Variants in ATP10A observed in about 807,000 individuals in gnomAD.
The protein encoded by ATP10A is phospholipid-transporting ATPase VA.
In ATP10A, 111 loss-of-function variants were observed where a neutral mutation model predicts 147.8. That is an observed-to-expected ratio of 0.75 (90% CI 0.64 to 0.88). The LOEUF (loss-of-function observed/expected upper bound fraction) is 0.88, where lower values mean the gene tolerates loss of function less well. Ranked by LOEUF, ATP10A falls within the 40% of genes least tolerant of loss-of-function variation. The probability of loss-of-function intolerance (pLI) is 0.00; values close to 1 mark genes in which losing one functional copy is unlikely to be tolerated. For missense variants in ATP10A, 1,927 were observed against 1,959.0 expected (o/e 0.98, Z 0.31); for synonymous variants, 875 against 841.6 (o/e 1.04, Z -0.69).
At chr15:25,803,966 T>C (rs1477507841) in intron 1 of ATP10A, among the ~76,000 whole-genome samples, 1 of 152,084 alleles carries the variant, frequency 6.6e-6, no homozygotes, top group East Asian at 1.9e-4. Context: ...TAATTGTGCT[T>C]AGTGTGTGAT....
chr15:25,759,309 A>G (rs1888626157), intron 2 of ATP10A, among the ~76,000 whole-genome samples: 1 of 152,240 alleles, frequency 6.6e-6, no homozygotes, highest in South Asian at 2.1e-4. Context: ...GGCATAGGAC[A>G]AAATGGAAGG....
chr15:25,861,236 CTGAG>C (rs1288412223), intron 1 of ATP10A, among the ~76,000 whole-genome samples: 1 of 152,218 alleles, frequency 6.6e-6, no homozygotes, highest in African/African-American at 2.4e-5. Flanking sequence ...CCCAGGCCTG[CTGAG>C]TGAGACACTT....
chr15:25,863,366 C>G (rs1185502773), upstream of ATP10A, among the ~76,000 whole-genome samples: 2 of 151,910 alleles, frequency 1.3e-5, no homozygotes, highest in African/African-American at 2.4e-5. Flanking sequence ...CCTCGCCGCC[C>G]GCCCCCGGCC....
rs34212354 is a variant in ATP10A, at chr15:25,847,609, C to CTTTTTTTTTTTT, written c.449+15027_449+15038dup. ...CCTAGCTAATTCAAACAGCTACAGC[C>CTTTTTTTTTTTT]TTTTTTTTTTTTTTTTTTTTTTTTT... On this transcript the variant is annotated intron_variant, in intron 1 of 20. Coordinates refer to ENST00000555815, the MANE Select transcript of ATP10A (RefSeq NM_024490.4). Among the ~76,000 whole-genome samples, 8 of 40,738 alleles carry CTTTTTTTTTTTT rather than the reference C, an allele frequency of 2.0e-4. 4 individuals are homozygous for CTTTTTTTTTTTT. Among genetic ancestry groups the CTTTTTTTTTTTT allele is most frequent in the Non-Finnish European group, 4.0e-4 (8 of 19,914 alleles). The allele number at this position is 40,738 out of a possible 152,430, so 26.7% of individuals were successfully genotyped here. A position where few individuals can be genotyped will look rare whatever the true frequency, so the allele number is the denominator to read the frequency against.
chr15:25,729,895 G>A (rs1902851839), intron 3 of ATP10A, among the ~76,000 whole-genome samples: 1 of 152,148 alleles, frequency 6.6e-6, no homozygotes, highest in Non-Finnish European at 1.5e-5. Context: ...CTACCTCAGA[G>A]CCTGGCAAAC....
chr15:25,695,839 C>T (rs1369791516), intron 13 of ATP10A, among the ~76,000 whole-genome samples: 1 of 151,792 alleles, frequency 6.6e-6, no homozygotes, highest in Admixed American at 6.6e-5. Context: ...AACTGCAGGA[C>T]ACAAAGCTCT....
intron 2 of ATP10A, among the ~76,000 whole-genome samples, chr15:25,759,318 G>C (rs1888626604): frequency 6.6e-6 from 1 of 152,134 alleles, no homozygotes; most frequent in Non-Finnish European, 1.5e-5. Context: ...CAAAATGGAA[G>C]GTTTAAGCAA....
chr15:25,812,675 G>C (rs542428109), intron 1 of ATP10A, among the ~76,000 whole-genome samples: 17 of 152,144 alleles, frequency 1.1e-4, no homozygotes, highest in Non-Finnish European at 2.2e-4. Flanking sequence ...GGCTGTCTCT[G>C]TTTTTCTCTG....
chr15:25,812,625 TTTAAA>T (rs897863058), intron 1 of ATP10A, among the ~76,000 whole-genome samples: 16 of 152,214 alleles, frequency 1.1e-4, no homozygotes, highest in African/African-American at 3.9e-4. Context: ...TTTGTTCTAC[TTTAAA>T]TTAAAACAAG....
intron 12 of ATP10A, 115 bp from the exon 13 acceptor site, chr15:25,702,215 G>T: frequency 9.0e-7 from 1 of 1,108,436 alleles, no homozygotes; most frequent in Admixed American, 2.7e-5. Flanking sequence ...TACAGCCCCT[G>T]TTGCCTGGGC....
Position 25,718,315 on chromosome 15 carries a change from C to T in ATP10A, c.1448G>A (p.Ser483Asn). The change falls in exon 8 of 21, where the codon AGC becomes AAC. Residue 483 changes from serine (S) to asparagine (N), a missense_variant. Transcript: ENST00000555815. ...PRGGSVSQRG[S>N]IGSHQSVRVV... The stretch of plus-strand genomic sequence containing the variant: ...CCGGACACTCTGGTGGCTGCCGATG[C>T]TGCCGCGCTGGGACACCGAGCCCCC... 6.2e-7 allele frequency: 1 copy of T among 1,611,394 alleles called. No individual in the cohort carries two copies. The highest frequency in any genetic ancestry group is 8.5e-7 in the Non-Finnish European group (1 of 1,179,788).
intron 2 of ATP10A, among the ~76,000 whole-genome samples, chr15:25,765,014 G>A (rs1467750784): frequency 6.6e-6 from 1 of 152,184 alleles, no homozygotes; most frequent in Non-Finnish European, 1.5e-5. Context: ...TAGTGAGGAT[G>A]CAGGACACAC....
intron 9 of ATP10A, among the ~76,000 whole-genome samples, chr15:25,715,966 G>C (rs1410640997): frequency 2.0e-5 from 3 of 152,164 alleles, no homozygotes; most frequent in African/African-American, 7.2e-5. Flanking sequence ...AGGGCTTTCT[G>C]GGGTGCACTG....
Position 25,723,928 on chromosome 15 carries a change from G to A in ATP10A, c.1073C>T (p.Ala358Val). The A allele has an allele frequency of 6.2e-7, 1 of 1,609,256 alleles. No homozygotes were observed. Among genetic ancestry groups the A allele is most frequent in the Non-Finnish European group, 8.5e-7 (1 of 1,178,482 alleles). Residue 358 changes from alanine to valine, a missense_variant, in exon 6 of 21, where the codon GCA becomes GTA. Coordinates refer to ENST00000555815, the MANE Select transcript of ATP10A (RefSeq NM_024490.4). ...TATCATTGTTAAAAATGAGTAAACT[G>A]CAGCTGTGACTGGGGATAAGGAGCT... ...DGSSLSPVTA[A>V]VYSFLTMIIV... is the part of the protein sequence containing the mutation.
At chr15:25,778,655 A>G (rs540149444) in intron 2 of ATP10A, among the ~76,000 whole-genome samples, 10 of 152,248 alleles carry the variant, frequency 6.6e-5, no homozygotes, top group African/African-American at 2.4e-4. Flanking sequence ...GCTCAAAGCT[A>G]CTTCCTCAGC....
chr15:25,685,853 G>A (rs1237613086), intron 16 of ATP10A, among the ~76,000 whole-genome samples: 3 of 151,292 alleles, frequency 2.0e-5, no homozygotes, highest in Non-Finnish European at 4.4e-5. Flanking sequence ...ATCCAAAGCA[G>A]GAATTAACTT....
chr15:25,708,739 G>C (rs1364270959), intron 10 of ATP10A: 1 of 162,958 alleles, frequency 6.1e-6, no homozygotes, highest in Non-Finnish European at 1.3e-5. Flanking sequence ...CGTTCTTCCT[G>C]TTAATGAAAA....
intron 4 of ATP10A, 36 bp downstream of exon 4, chr15:25,727,124 G>C: frequency 3.4e-6 from 5 of 1,470,954 alleles, no homozygotes; most frequent in Non-Finnish European, 3.8e-6. Context: ...ACACAGCGCT[G>C]TCTGGCGGCA....
At chr15:25,722,827 C>T (rs1343338666) in intron 6 of ATP10A, among the ~76,000 whole-genome samples, 7 of 152,116 alleles carry the variant, frequency 4.6e-5, no homozygotes, top group African/African-American at 1.4e-4. Context: ...ACTGCCCCCT[C>T]GTCCTCTGGA....
Sources: allele counts gnomAD v4.1 joint callset (sites outside exome capture counted in the v4.1 genomes callset), GRCh38; gene constraint gnomAD v4.1.1; transcripts MANE v1.5; gene names NCBI Gene and HGNC (gene_info 2026-07-23, HGNC 2026-07-21).